The following ZZEF1 variants were observed in gnomAD, a reference collection of about 807,000 sequenced individuals.
ZZEF1 encodes zinc finger ZZ-type and EF-hand domain containing 1, also known as zinc finger ZZ-type and EF-hand domain-containing protein 1.
In ZZEF1, 157 loss-of-function variants were observed where a neutral mutation model predicts 342.8. The ratio of observed to expected loss-of-function variants is 0.46; its 90% confidence interval spans 0.40 to 0.52. The LOEUF (loss-of-function observed/expected upper bound fraction) is 0.52. Ranked by LOEUF, ZZEF1 falls within the 20% of genes least tolerant of loss-of-function variation. The pLI, the probability that ZZEF1 is intolerant of heterozygous loss-of-function variation, is 0.00. For synonymous variants in ZZEF1, 1,505 were observed against 1,429.1 expected, an observed-to-expected ratio of 1.05 and a Z score of -1.20; for missense variants, 3,480 against 3,725.6, an observed-to-expected ratio of 0.93 and a Z score of 1.72.
chr17:4,041,518 C>T (rs770616326), intron 39 of ZZEF1, among the ~76,000 whole-genome samples: 102 of 152,144 alleles, frequency 6.7e-4, no homozygotes, highest in Non-Finnish European at 1.3e-3. Flanking sequence ...CTTGGAAAAT[C>T]CTGTTTCAGC....
chr17:4,091,540 G>A (rs2057942713), intron 11 of ZZEF1, among the ~76,000 whole-genome samples: 1 of 152,198 alleles, frequency 6.6e-6, no homozygotes, highest in Non-Finnish European at 1.5e-5. Flanking sequence ...ACTTTAGGAG[G>A]TTGAGGTGGA....
At chr17:4,132,780 C>T (rs1404008883) in intron 1 of ZZEF1, among the ~76,000 whole-genome samples, 1 of 119,044 alleles carries the variant, frequency 8.4e-6, no homozygotes, top group Admixed American at 8.8e-5. Context: ...TCCTGGCTAA[C>T]ACGATGAAAC....
intron 15 of ZZEF1, among the ~76,000 whole-genome samples, chr17:4,086,173 C>T (rs933466004): frequency 6.6e-6 from 1 of 152,206 alleles, no homozygotes; most frequent in East Asian, 1.9e-4. Context: ...CAACATAACA[C>T]AGCTATAGAT....
At chr17:4,138,292 T>C (rs1167350417) in intron 1 of ZZEF1, among the ~76,000 whole-genome samples, 7 of 152,304 alleles carry the variant, frequency 4.6e-5, no homozygotes, top group African/African-American at 1.7e-4. Context: ...TACGGCACAG[T>C]TCCTGGGCTC....
At chr17:4,127,150 C>T (rs566125624) in intron 1 of ZZEF1, among the ~76,000 whole-genome samples, 3 of 152,092 alleles carry the variant, frequency 2.0e-5, no homozygotes, top group South Asian at 4.2e-4. Context: ...GGACTACAGG[C>T]GTTTCACACC....
chr17:4,055,951 A>G (rs2057148298), intron 33 of ZZEF1, among the ~76,000 whole-genome samples: 2 of 152,220 alleles, frequency 1.3e-5, no homozygotes, highest in African/African-American at 4.8e-5. Context: ...GATGCCTCGC[A>G]TGCGCGGTTT....
At chr17:4,021,565 G>A (rs1333346084) in intron 44 of ZZEF1, among the ~76,000 whole-genome samples, 3 of 152,136 alleles carry the variant, frequency 2.0e-5, no homozygotes, top group Admixed American at 6.6e-5. Context: ...AACTGCTATC[G>A]TCCTTTTTAG....
intron 33 of ZZEF1, among the ~76,000 whole-genome samples, chr17:4,055,824 G>A (rs1228240224): frequency 6.6e-6 from 1 of 152,146 alleles, no homozygotes; most frequent in African/African-American, 2.4e-5. Flanking sequence ...TTGGCACCAG[G>A]GACCAATTTC....
intron 42 of ZZEF1, among the ~76,000 whole-genome samples, chr17:4,026,234 G>T (rs1291790211): frequency 6.6e-6 from 1 of 152,134 alleles, no homozygotes; most frequent in East Asian, 1.9e-4. Flanking sequence ...CAGTGAGAGT[G>T]GAAGTGTCCT....
intron 1 of ZZEF1, among the ~76,000 whole-genome samples, chr17:4,127,972 T>C (rs2058598948): frequency 2.0e-5 from 3 of 152,224 alleles, no homozygotes; most frequent in Admixed American, 6.5e-5. Context: ...ACCAGCTTTT[T>C]AGTCCCCCAT....
At chr17:4,084,784 T>C (rs1385241950) in intron 16 of ZZEF1, among the ~76,000 whole-genome samples, 1 of 152,166 alleles carries the variant, frequency 6.6e-6, no homozygotes, top group East Asian at 1.9e-4. Context: ...GAAGAAGTGG[T>C]CTAGGAGAGT....
At chr17:4,131,260 T>A (rs1199740596) in intron 1 of ZZEF1, among the ~76,000 whole-genome samples, 1 of 151,996 alleles carries the variant, frequency 6.6e-6, no homozygotes, top group Non-Finnish European at 1.5e-5. Context: ...ACCTAGAGAA[T>A]AACAAATCTA....
intron 5 of ZZEF1, among the ~76,000 whole-genome samples, chr17:4,110,577 A>G (rs1412050074): frequency 6.6e-6 from 1 of 152,214 alleles, no homozygotes; most frequent in Non-Finnish European, 1.5e-5. Context: ...GGCTCCCTGA[A>G]CGAAATAAGC....
chr17:4,027,126 A>T (rs1325336044), intron 42 of ZZEF1, among the ~76,000 whole-genome samples: 1 of 151,444 alleles, frequency 6.6e-6, no homozygotes. Context: ...ATCTCTTGAA[A>T]TCTCTCTCTC....
rs573919473 is a variant in ZZEF1 at position 4,106,098 on chromosome 17, C to T, written c.1278-289G>A. The stretch of plus-strand genomic sequence containing the variant: ...CTGAGTAGCTAGGATTACAGGAGCC[C>T]GCCACCACGCTTGACTAATTTGTAT... On this transcript the variant is annotated intron_variant, in intron 6 of 54. Transcript: ENST00000381638. Among the ~76,000 whole-genome samples the T allele has an allele frequency of 9.7e-4, 148 of 152,210 alleles. 2 individuals carry two copies. The highest frequency in any genetic ancestry group is 3.3e-3 in the African/African-American group (136 of 41,526).
At chr17:4,032,282 G>T in intron 41 of ZZEF1, 24 bp from the exon 42 acceptor site, 1 of 1,600,982 alleles carries the variant, frequency 6.2e-7, no homozygotes, top group Non-Finnish European at 8.5e-7. Flanking sequence ...GACAGAGACA[G>T]AAAGGCAACT....
chr17:4,111,103 A>C (rs759370351), intron 5 of ZZEF1, among the ~76,000 whole-genome samples: 5 of 152,254 alleles, frequency 3.3e-5, no homozygotes, highest in African/African-American at 1.2e-4. Flanking sequence ...AAGAATATCA[A>C]CATTTTTGTA....
At position 4,142,696 on chromosome 17, in the gene ZZEF1, G is replaced by A. The variant is rs199847329; in HGVS notation, c.200C>T (p.Pro67Leu). Reference protein sequence around the residue: ...REAAAALLPTPPCESLVSRHR... With the variant: ...REAAAALLPTLPCESLVSRHR... ...CCTCGACACCAGCGACTCGCAGGGGGGTGTGGGCAGCAACGCTGCAGCAGC... is the reference window on the plus strand; with the variant it reads ...CCTCGACACCAGCGACTCGCAGGGGAGTGTGGGCAGCAACGCTGCAGCAGC... Residue 67 changes from proline (P) to leucine (L), a missense_variant, in exon 1 of 55, where the codon CCC (proline) becomes CTC (leucine). Around this residue, in one of 5 missense-constraint regions of ZZEF1, gnomAD observed 416 missense variants for 374.2 expected, o/e 1.11. Coordinates refer to ENST00000381638, the MANE Select transcript of ZZEF1 (RefSeq NM_015113.4). The A allele has an allele frequency of 1.4e-4, 223 of 1,604,140 alleles. No homozygotes were observed. In the African/African-American group the frequency reaches 2.6e-3, roughly 19 times the overall value.
rs553910913 is a variant in ZZEF1 at position 4,102,704 on chromosome 17, T to C, written c.1574-289A>G. ...CATTATAAGACATAGGTTGATAACATAGATTGAACACATTTGGGGGGGTGA... is the reference window on the plus strand; with the variant it reads ...CATTATAAGACATAGGTTGATAACACAGATTGAACACATTTGGGGGGGTGA... On this transcript the variant is annotated intron_variant, in intron 8 of 54. Transcript: ENST00000381638. Among the ~76,000 whole-genome samples the C allele has an allele frequency of 5.1e-4, 78 of 152,286 alleles. 1 individual carries two copies. The highest frequency in any genetic ancestry group is 1.9e-3 in the African/African-American group (77 of 41,548).
Sources: gnomAD v4.1 joint callset for allele counts (sites outside exome capture counted in the v4.1 genomes callset) on GRCh38, gnomAD v4.1.1 for gene constraint, gnomAD v4.1.1 regional missense constraint, MANE v1.5 for transcripts, NCBI Gene and HGNC (gene_info 2026-07-23, HGNC 2026-07-21) for gene names.